DPP10: variants seen among roughly 807,000 people sequenced by gnomAD.
The protein encoded by DPP10 is dipeptidyl peptidase like 10.
A neutral mutation model predicts 120.9 loss-of-function variants in DPP10; 33 were observed. The observed-to-expected ratio is 0.27, with a 90% CI of 0.21 to 0.37. The LOEUF is 0.37. Among genes scored for constraint, DPP10 ranks in the 10% least tolerant of loss-of-function variants. The pLI, the probability that DPP10 is intolerant of heterozygous loss-of-function variation, is 1.00. For synonymous variants in DPP10, 337 were observed against 326.1 expected, an observed-to-expected ratio of 1.03 and a Z score of -0.36; for missense variants, 816 against 942.8, an observed-to-expected ratio of 0.87 and a Z score of 1.76.
intron 3 of DPP10, among the ~76,000 whole-genome samples, chr2:115,485,575 T>C (rs1156595661): frequency 1.4e-5 from 2 of 138,516 alleles, no homozygotes; most frequent in Non-Finnish European, 3.2e-5. Flanking sequence ...CAATTTTCTA[T>C]TTAATTAAGT....
At chr2:114,793,253 C>A (rs1304885899) in intron 1 of DPP10, among the ~76,000 whole-genome samples, 1 of 152,094 alleles carries the variant, frequency 6.6e-6, no homozygotes, top group Non-Finnish European at 1.5e-5. Flanking sequence ...ACCCATCAAC[C>A]TGTCATCTAC....
At chr2:115,488,880 T>TTAA (rs1553428862) in intron 3 of DPP10, among the ~76,000 whole-genome samples, 5 of 126,752 alleles carry the variant, frequency 3.9e-5, no homozygotes, top group Non-Finnish European at 8.2e-5. Flanking sequence ...TAGAGTATAA[T>TTAA]AAAAAAAAAA....
At chr2:115,685,871 C>T (rs1486199732) in intron 5 of DPP10, among the ~76,000 whole-genome samples, 2 of 151,966 alleles carry the variant, frequency 1.3e-5, no homozygotes, top group African/African-American at 4.8e-5. Context: ...CCAATAATAT[C>T]TCATGCCATG....
chr2:115,389,337 TG>T (rs2067172046), intron 3 of DPP10, among the ~76,000 whole-genome samples: 1 of 150,986 alleles, frequency 6.6e-6, no homozygotes, highest in Non-Finnish European at 1.5e-5. Flanking sequence ...TTGAACTACA[TG>T]TGGCTTACTA....
intron 1 of DPP10, among the ~76,000 whole-genome samples, chr2:114,971,238 G>A (rs1003960800): frequency 6.6e-6 from 1 of 152,082 alleles, no homozygotes; most frequent in Non-Finnish European, 1.5e-5. Flanking sequence ...TGGATACTAT[G>A]ATTTATGGCT....
intron 5 of DPP10, among the ~76,000 whole-genome samples, chr2:115,593,330 G>T (rs2082788985): frequency 6.6e-6 from 1 of 152,124 alleles, no homozygotes; most frequent in Non-Finnish European, 1.5e-5. Context: ...AGAGTTTCTA[G>T]GGCATCCTCA....
At chr2:114,948,323 C>T (rs1392565636) in intron 1 of DPP10, among the ~76,000 whole-genome samples, 2 of 151,668 alleles carry the variant, frequency 1.3e-5, no homozygotes, top group African/African-American at 2.4e-5. Context: ...TTGACATTTC[C>T]AATATTATTT....
At chr2:114,628,484 T>C (rs1157013768) in intron 1 of DPP10, among the ~76,000 whole-genome samples, 1 of 152,156 alleles carries the variant, frequency 6.6e-6, no homozygotes, top group Non-Finnish European at 1.5e-5. Context: ...TTTTGCCAAC[T>C]TCATTAAGAC....
At chr2:115,495,104 C>T (rs1202833642) in intron 3 of DPP10, among the ~76,000 whole-genome samples, 1 of 151,916 alleles carries the variant, frequency 6.6e-6, no homozygotes, top group Non-Finnish European at 1.5e-5. Context: ...TCAGAAAAGA[C>T]AACATTTTAC....
intron 3 of DPP10, among the ~76,000 whole-genome samples, chr2:115,461,164 CAAACGCTCA>C (rs2073962306): frequency 1.3e-5 from 2 of 151,780 alleles, no homozygotes; most frequent in African/African-American, 2.4e-5. Flanking sequence ...CTTGTCATCT[CAAACGCTCA>C]AAATAGTCAG....
At chr2:115,251,121 T>C (rs1009833152) in intron 1 of DPP10, among the ~76,000 whole-genome samples, 1 of 152,218 alleles carries the variant, frequency 6.6e-6, no homozygotes, top group Non-Finnish European at 1.5e-5. Flanking sequence ...CTGTGGACTT[T>C]GGGAACTGAA....
At chr2:115,641,872 T>C (rs1397434237) in intron 5 of DPP10, among the ~76,000 whole-genome samples, 3 of 152,278 alleles carry the variant, frequency 2.0e-5, no homozygotes, top group Non-Finnish European at 4.4e-5. Context: ...TTACCAAGTA[T>C]CAACCTTTTC....
At chr2:114,919,914 CT>C (rs1460653477) in intron 1 of DPP10, among the ~76,000 whole-genome samples, 1 of 152,162 alleles carries the variant, frequency 6.6e-6, no homozygotes, top group Non-Finnish European at 1.5e-5. Flanking sequence ...TCCACCTGGC[CT>C]TTTCATATAG....
At chr2:114,649,356 C>CT (rs1197892426) in intron 1 of DPP10, among the ~76,000 whole-genome samples, 328 of 142,898 alleles carry the variant, frequency 2.3e-3, no homozygotes, top group African/African-American at 7.6e-3. Context: ...TTTTTTTTTT[C>CT]TTTTTTTTTT....
chr2:114,598,248 A>G (rs1488214037), intron 1 of DPP10, among the ~76,000 whole-genome samples: 3 of 151,956 alleles, frequency 2.0e-5, no homozygotes, highest in Non-Finnish European at 4.4e-5. Flanking sequence ...TTTAATATCA[A>G]GAGAAGGAGA....
intron 1 of DPP10, among the ~76,000 whole-genome samples, chr2:115,075,269 AG>A (rs1165987344): frequency 2.6e-5 from 4 of 152,362 alleles, no homozygotes; most frequent in Non-Finnish European, 4.4e-5. Flanking sequence ...TAGAAGTAAA[AG>A]CAAAGCTGCT....
Position 115,836,239 on chromosome 2 carries a change from C to T in DPP10, c.2033C>T (p.Thr678Ile). 6.2e-7 allele frequency: 1 copy of T among 1,607,526 alleles called. No individual in the cohort carries two copies. Residue 678 changes from threonine to isoleucine, a missense_variant, in exon 22 of 26, where the codon ACA (threonine) becomes ATA (isoleucine). This residue lies in a region of DPP10 where 592 missense variants were observed against 649.0 expected (regional missense o/e 0.91). Transcript: ENST00000410059. ...FKCGSVVAPITDLKLYASAFS... is the reference protein window; with the variant it reads ...FKCGSVVAPIIDLKLYASAFS... ...TGTGGATCCGTGGTTGCACCTATCA[C>T]AGACTTGAAATTGTATGGTGAGTAC...
At chr2:115,805,135 C>T (rs979615872) in intron 19 of DPP10, among the ~76,000 whole-genome samples, 4 of 152,254 alleles carry the variant, frequency 2.6e-5, no homozygotes, top group African/African-American at 9.6e-5. Flanking sequence ...CAATGGCAGG[C>T]GCCCCTCCCC....
intron 1 of DPP10, among the ~76,000 whole-genome samples, chr2:115,099,147 GAAAA>G (rs371431565): frequency 4.9e-5 from 7 of 141,988 alleles, no homozygotes; most frequent in Non-Finnish European, 1.1e-4. Flanking sequence ...AAAAAAAAAA[GAAAA>G]AAAGAAAAGA....
Sources: gnomAD v4.1 joint callset for allele counts (sites outside exome capture counted in the v4.1 genomes callset) on GRCh38, gnomAD v4.1.1 for gene constraint, gnomAD v4.1.1 regional missense constraint, MANE v1.5 for transcripts, NCBI Gene and HGNC (gene_info 2026-07-23, HGNC 2026-07-21) for gene names.